Variants in YEATS2 observed in about 807,000 individuals in gnomAD.
The protein encoded by YEATS2 is YEATS domain containing 2, also known as YEATS domain-containing protein 2.
YEATS2 carries 77 observed loss-of-function variants against 163.2 expected under a neutral mutation model. The observed-to-expected ratio is 0.47, with a 90% CI of 0.39 to 0.57. The LOEUF (loss-of-function observed/expected upper bound fraction) is 0.57. Among genes scored for constraint, YEATS2 ranks in the 20% least tolerant of loss-of-function variants. YEATS2 has a pLI of 0.00. For missense variants in YEATS2, 1,549 were observed against 1,729.8 expected, an observed-to-expected ratio of 0.90 and a Z score of 1.85; for synonymous variants, 631 against 645.1, an observed-to-expected ratio of 0.98 and a Z score of 0.33.
rs1226282249 is a variant in YEATS2 at position 183,736,713 on chromosome 3, C to T, written c.813-5C>T. Reference sequence around the variant, plus strand: ...ATGAACGTGTTAATATCTGCTTTTCCATAGAGAGCCTCCTTTTCACCTGAC... The same window carrying T: ...ATGAACGTGTTAATATCTGCTTTTCTATAGAGAGCCTCCTTTTCACCTGAC... On this transcript the variant is annotated splice_polypyrimidine_tract_variant and splice_region_variant and intron_variant, in intron 7 of 30. Coordinates refer to ENST00000305135, the MANE Select transcript of YEATS2 (RefSeq NM_018023.5). 1.2e-6 allele frequency: 2 copies of T among 1,610,298 alleles called. No homozygotes were observed. Among genetic ancestry groups the T allele is most frequent in the East Asian group, 2.2e-5 (1 of 44,762 alleles).
Position 183,795,461 on chromosome 3 carries a change from T to C in YEATS2, c.3098-2462T>C, listed in dbSNP as rs897030110. The stretch of plus-strand genomic sequence containing the variant: ...ATGCCACCACACGGGACTAATTTTT[T>C]TTTTTTTTTTTTTTTTTTTTTTAGA... On this transcript the variant is annotated intron_variant, in intron 21 of 30. Coordinates refer to ENST00000305135, the MANE Select transcript of YEATS2 (RefSeq NM_018023.5). 4.2e-5 allele frequency among the ~76,000 whole-genome samples: 3 copies of C among 71,758 alleles called. No homozygotes were observed. In the Admixed American group the frequency reaches 5.9e-4, roughly 14 times the overall value. 47.1% of individuals were successfully genotyped at this position (71,758 alleles called of 152,430 possible).
At chr3:183,701,932 G>C (rs562099318) in intron 1 of YEATS2, among the ~76,000 whole-genome samples, 3 of 152,198 alleles carry the variant, frequency 2.0e-5, no homozygotes, top group Non-Finnish European at 2.9e-5. Flanking sequence ...CCCTTGCCTA[G>C]AACTAGTTCT....
chr3:183,735,259 C>G (rs1718217649), intron 7 of YEATS2, among the ~76,000 whole-genome samples: 1 of 152,188 alleles, frequency 6.6e-6, no homozygotes, highest in Non-Finnish European at 1.5e-5. Flanking sequence ...ATTTAAATGA[C>G]CAAACTTCAC....
chr3:183,748,003 G>A (rs773304060), intron 9 of YEATS2, among the ~76,000 whole-genome samples: 8 of 151,580 alleles, frequency 5.3e-5, no homozygotes, highest in Non-Finnish European at 1.2e-4. Context: ...GCACCTGGCC[G>A]ATCTTCATTT....
At chr3:183,708,799 G>GCCC (rs1714884518) in intron 1 of YEATS2, among the ~76,000 whole-genome samples, 1 of 152,138 alleles carries the variant, frequency 6.6e-6, no homozygotes, top group African/African-American at 2.4e-5. Flanking sequence ...AGGATTCCAA[G>GCCC]GTTGCAGTGA....
chr3:183,729,558 A>G (rs1717493387), intron 7 of YEATS2, among the ~76,000 whole-genome samples: 1 of 152,064 alleles, frequency 6.6e-6, no homozygotes, highest in African/African-American at 2.4e-5. Flanking sequence ...TCCCAATCAT[A>G]TTTCTTCTGT....
intron 11 of YEATS2, among the ~76,000 whole-genome samples, chr3:183,755,172 A>G (rs1259902400): frequency 1.3e-5 from 2 of 151,842 alleles, no homozygotes; most frequent in African/African-American, 2.4e-5. Flanking sequence ...CTGGAGTGCA[A>G]TGGCGCGATC....
rs748564099 is a variant in YEATS2, at chr3:183,754,151, A to G, written c.1176A>G (p.Glu392=). The change falls in exon 11 of 31, where the codon GAA becomes GAG. Residue 392 remains glutamate, a synonymous_variant. Transcript: ENST00000305135. The part of the protein sequence containing the change: ...EKGFPASTEA[E]RHTPFYALPS... The stretch of plus-strand genomic sequence containing the variant: ...GATTCCCAGCTAGCACTGAAGCTGA[A>G]CGACACACTCCGTTTTATGCTTTGC... 4 of 1,596,688 alleles carry G rather than the reference A, an allele frequency of 2.5e-6. No homozygotes were observed. The highest frequency in any genetic ancestry group is 3.4e-6 in the Non-Finnish European group (4 of 1,166,748).
intron 1 of YEATS2, among the ~76,000 whole-genome samples, chr3:183,712,327 G>T (rs1329102637): frequency 6.6e-6 from 1 of 151,328 alleles, no homozygotes; most frequent in Non-Finnish European, 1.5e-5. Context: ...TCATGCCTCA[G>T]CGTCCTGAGT....
intron 21 of YEATS2, chr3:183,793,609 C>CTTT (rs35098553): frequency 0.13 from 14,272 of 109,284 alleles, 1,170 homozygotes; most frequent in East Asian, 0.23. Flanking sequence ...TTCTTTCTTT[C>CTTT]TTTTTTTTTT....
intron 19 of YEATS2, among the ~76,000 whole-genome samples, chr3:183,779,676 CTTTATT>C (rs1272856648): frequency 6.6e-6 from 1 of 151,804 alleles, no homozygotes; most frequent in African/African-American, 2.4e-5. Context: ...ACAGAGAAAA[CTTTATT>C]TTTATTTATT....
intron 7 of YEATS2, among the ~76,000 whole-genome samples, chr3:183,731,297 CAAAAAAA>C (rs63002261): frequency 3.9e-4 from 48 of 122,868 alleles, no homozygotes; most frequent in South Asian, 5.1e-4. Context: ...GAGTCTGTCT[CAAAAAAA>C]AAAAAAAAAA....
chr3:183,798,850 T>G (rs541926640), intron 22 of YEATS2, 41 bp from the exon 23 acceptor site: 1 of 1,490,612 alleles, frequency 6.7e-7, no homozygotes, highest in Non-Finnish European at 9.4e-7. Context: ...TAAAAATAAT[T>G]TTTGTATTTG....
At chr3:183,803,756 G>T (rs1400570393) in intron 26 of YEATS2, 1 of 553,284 alleles carries the variant, frequency 1.8e-6, no homozygotes, top group African/African-American at 1.9e-5. Flanking sequence ...CGCAGGTGGA[G>T]ACCAGGTGAA....
At chr3:183,707,972 C>T (rs904783492) in intron 1 of YEATS2, among the ~76,000 whole-genome samples, 8 of 151,910 alleles carry the variant, frequency 5.3e-5, no homozygotes, top group South Asian at 2.1e-4. Flanking sequence ...CCAGCATGCC[C>T]GGCGTCCCCC....
chr3:183,771,010 G>A (rs1290370118), intron 15 of YEATS2, among the ~76,000 whole-genome samples: 1 of 152,094 alleles, frequency 6.6e-6, no homozygotes, highest in African/African-American at 2.4e-5. Flanking sequence ...ATGTTCCCTT[G>A]AACGCATGTA....
intron 1 of YEATS2, among the ~76,000 whole-genome samples, chr3:183,704,575 A>C (rs1037854457): frequency 1.3e-5 from 2 of 151,952 alleles, no homozygotes; most frequent in African/African-American, 4.8e-5. Context: ...TAATATTTCT[A>C]CATTTTGCAG....
chr3:183,810,359 G>T (rs899953019), intron 30 of YEATS2, 116 bp from the exon 31 acceptor site: 58 of 880,946 alleles, frequency 6.6e-5, no homozygotes, highest in Non-Finnish European at 9.2e-5. Flanking sequence ...TGTGGCTCAG[G>T]AGCCCTCTCC....
In YEATS2 at chr3:183,790,125, A is replaced by G. The variant is rs553874326; in HGVS notation, c.2914-672A>G. On this transcript the variant is annotated intron_variant, in intron 20 of 30. Coordinates refer to ENST00000305135, the MANE Select transcript of YEATS2 (RefSeq NM_018023.5). ...TACATACTCTCCTCTGCCAGGAAAC[A>G]CTGTCATCTCTCCCTTTCTCTGTCT... is the stretch of plus-strand genomic sequence containing the variant. 4.6e-5 allele frequency among the ~76,000 whole-genome samples: 7 copies of G among 152,270 alleles called. No individual in the cohort carries two copies. The South Asian group carries it at 1.4e-3, about 32-fold the overall frequency.
Sources: gnomAD v4.1 joint callset for allele counts (sites outside exome capture counted in the v4.1 genomes callset) on GRCh38, gnomAD v4.1.1 for gene constraint, MANE v1.5 for transcripts, NCBI Gene and HGNC (gene_info 2026-07-23, HGNC 2026-07-21) for gene names.